SORL1: variants seen among roughly 807,000 people sequenced by gnomAD.
SORL1 encodes sortilin-related receptor.
Under a neutral mutation model 273.7 loss-of-function variants are expected in SORL1, and 127 were observed. The observed-to-expected ratio is 0.46, with a 90% CI of 0.40 to 0.54. SORL1 has a LOEUF of 0.54. SORL1 is among the 20% of genes least tolerant of loss of function. The pLI is 0.00. For missense variants in SORL1, 2,494 were observed against 2,846.1 expected (o/e 0.88, Z 2.81); for synonymous variants, 1,031 against 1,067.4 (o/e 0.97, Z 0.66).
In SORL1 at chr11:121,605,113, A is replaced by G. The variant is rs373079871; in HGVS notation, c.4652A>G (p.Asp1551Gly). Reference protein sequence around the residue: ...SDESDEKACSDELTVYKVQNL... With the variant: ...SDESDEKACSGELTVYKVQNL... ...GTCTTTTTCTCCTTTATCTCTCTAG[A>G]TGAGTTGACTGTGTACAAAGTACAG... The change falls in exon 34 of 48, where the codon GAT (aspartate) becomes GGT (glycine). Residue 1551 changes from aspartate (D) to glycine (G), a missense_variant and splice_region_variant. Coordinates refer to ENST00000260197, the MANE Select transcript of SORL1 (RefSeq NM_003105.6). The G allele has an allele frequency of 1.2e-6, 2 of 1,609,240 alleles. No homozygotes were observed. Among genetic ancestry groups the G allele is most frequent in the African/African-American group, 1.3e-5 (1 of 74,666 alleles).
intron 44 of SORL1, 98 bp downstream of exon 44, chr11:121,621,336 C>T (rs1269405521): frequency 2.7e-6 from 3 of 1,100,952 alleles, no homozygotes; most frequent in Middle Eastern, 2.4e-4. Flanking sequence ...GCGTTTGTTT[C>T]ACAGGGAGTG....
chr11:121,528,039 A>T lies in SORL1; in HGVS notation c.1597-4425A>T, dbSNP rs139416336. Among the ~76,000 whole-genome samples, 390 of 150,728 alleles carry T rather than the reference A, an allele frequency of 2.6e-3. 2 individuals carry two copies. The highest frequency in any genetic ancestry group is 5.9e-3 in the South Asian group (28 of 4,730). On this transcript the variant is annotated intron_variant, in intron 11 of 47. Coordinates refer to ENST00000260197, the MANE Select transcript of SORL1 (RefSeq NM_003105.6). ...ATTAAGATATAACCTTGGGTTATTG[A>T]TTTTATATCTTCTTTTCTAATGTAA...
chr11:121,564,464 G>A (rs1028480502), intron 21 of SORL1, among the ~76,000 whole-genome samples: 1 of 152,126 alleles, frequency 6.6e-6, no homozygotes, highest in African/African-American at 2.4e-5. Flanking sequence ...TTGCTTGTTT[G>A]GATAGGAATA....
intron 32 of SORL1, among the ~76,000 whole-genome samples, chr11:121,597,697 T>C (rs1199532076): frequency 6.6e-6 from 1 of 152,206 alleles, no homozygotes; most frequent in Non-Finnish European, 1.5e-5. Context: ...TGACCTCAAG[T>C]GATCTGCCCA....
intron 1 of SORL1, among the ~76,000 whole-genome samples, chr11:121,457,870 T>C (rs1860932448): frequency 6.6e-6 from 1 of 152,258 alleles, no homozygotes; most frequent in Non-Finnish European, 1.5e-5. Context: ...ATGGTATGCT[T>C]AATAAATTGC....
At chr11:121,496,038 T>A (rs1269721505) in intron 5 of SORL1, among the ~76,000 whole-genome samples, 3 of 152,210 alleles carry the variant, frequency 2.0e-5, no homozygotes, top group African/African-American at 7.2e-5. Flanking sequence ...TATACCTTTG[T>A]TTGGAGTTCA....
rs532616758 is a variant in SORL1 at position 121,585,937 on chromosome 11, G to A, written c.3707-285G>A. ...CAATGCAACACTTGTACTTGTGGGC[G>A]GTTTTCAACCTGTTACAAACAGTGT... is the stretch of plus-strand genomic sequence containing the variant. On this transcript the variant is annotated intron_variant, in intron 26 of 47. Transcript: ENST00000260197. 1.1e-4 allele frequency among the ~76,000 whole-genome samples: 17 copies of A among 152,060 alleles called. No homozygotes were observed. The South Asian group carries it at 1.2e-3, about 11-fold the overall frequency.
chr11:121,613,987 C>T (rs571902869), intron 40 of SORL1, among the ~76,000 whole-genome samples: 17 of 152,330 alleles, frequency 1.1e-4, no homozygotes, highest in African/African-American at 2.9e-4. Context: ...CTCCATCTTA[C>T]AAACAAGGAA....
intron 3 of SORL1, among the ~76,000 whole-genome samples, chr11:121,480,121 A>T (rs947024070): frequency 6.6e-6 from 1 of 152,164 alleles, no homozygotes; most frequent in Non-Finnish European, 1.5e-5. Context: ...CCGCCTCTCA[A>T]GAATCAAATT....
At chr11:121,526,629 A>G (rs923416920) in intron 11 of SORL1, among the ~76,000 whole-genome samples, 22 of 152,220 alleles carry the variant, frequency 1.4e-4, no homozygotes, top group African/African-American at 5.1e-4. Context: ...AATTTCTCTC[A>G]GTACTTTGTA....
chr11:121,453,486 C>T (rs1007568189), intron 1 of SORL1, among the ~76,000 whole-genome samples: 1 of 152,016 alleles, frequency 6.6e-6, no homozygotes, highest in Non-Finnish European at 1.5e-5. Flanking sequence ...ACTCCCAGTC[C>T]TGCAGTTAAG....
chr11:121,492,965 G>A (rs1411413809), intron 5 of SORL1, among the ~76,000 whole-genome samples: 1 of 151,556 alleles, frequency 6.6e-6, no homozygotes, highest in East Asian at 1.9e-4. Flanking sequence ...ACCACGCCTG[G>A]CTAATTTTAT....
At chr11:121,624,117 C>T (rs1863761153) in intron 45 of SORL1, among the ~76,000 whole-genome samples, 3 of 152,170 alleles carry the variant, frequency 2.0e-5, no homozygotes, top group Admixed American at 2.0e-4. Flanking sequence ...CACCCATGAT[C>T]CAGTGATCTC....
intron 1 of SORL1, among the ~76,000 whole-genome samples, chr11:121,465,884 G>A (rs555960862): frequency 5.3e-5 from 8 of 152,146 alleles, no homozygotes; most frequent in Non-Finnish European, 8.8e-5. Context: ...CGACAGAGCC[G>A]GTAGGCGTGG....
At chr11:121,523,617 A>C (rs1361913449) in intron 11 of SORL1, among the ~76,000 whole-genome samples, 3 of 152,098 alleles carry the variant, frequency 2.0e-5, no homozygotes, top group African/African-American at 4.8e-5. Flanking sequence ...AACTTGTAAA[A>C]AAAAAAAAAA....
rs1862703329 is a variant in SORL1, at chr11:121,563,105, T to C, written c.3049+3448T>C. 1.3e-5 allele frequency among the ~76,000 whole-genome samples: 2 copies of C among 152,190 alleles called. No homozygotes were observed. Among genetic ancestry groups the C allele is most frequent in the Non-Finnish European group, 2.9e-5 (2 of 68,036 alleles). On this transcript the variant is annotated intron_variant, in intron 21 of 47. Coordinates refer to ENST00000260197, the MANE Select transcript of SORL1 (RefSeq NM_003105.6). This position sits in a 1 kb window ranked among gnomAD's most constrained non-coding sequence, Gnocchi z 4.2. ...ACTATCAATATTTCCATTTTATAGG[T>C]GAGAATATGAAAGTCTGGTTTAGTA...
chr11:121,512,867 T>C, intron 6 of SORL1, 136 bp from the exon 7 acceptor site: 1 of 654,232 alleles, frequency 1.5e-6, no homozygotes, highest in East Asian at 2.7e-5. Context: ...TGCAAAAACA[T>C]GAATTTGCAA....
chr11:121,607,003 G>C (rs753721368), intron 36 of SORL1, 46 bp downstream of exon 36: 2 of 1,384,758 alleles, frequency 1.4e-6, no homozygotes, highest in Admixed American at 1.7e-5. Flanking sequence ...GGGGGTGCTA[G>C]GAGATTTCTG....
chr11:121,627,715 C>G lies in SORL1; in HGVS notation c.6525C>G (p.Ser2175Arg), dbSNP rs143536682. Residue 2175 changes from serine (S) to arginine (R), a missense_variant, in exon 47 of 48, where the codon AGC becomes AGG. By Grantham distance (110) the Ser-to-Arg change is moderately radical. Coordinates refer to ENST00000260197, the MANE Select transcript of SORL1 (RefSeq NM_003105.6). The surrounding 1 kb of genome is among the most constrained non-coding windows in gnomAD (Gnocchi z 4.9). ...GCAGCTTCACCGCCTTCGCCAACAG[C>G]CACTACAGCTCCAGGCTGGGGTCCG... ...LQSSFTAFAN[S>R]HYSSRLGSAI... 3.3e-4 allele frequency: 532 copies of G among 1,614,150 alleles called. No homozygotes were observed. Among genetic ancestry groups the G allele is most frequent in the Non-Finnish European group, 4.2e-4 (500 of 1,180,014 alleles).
Sources: allele counts gnomAD v4.1 joint callset (sites outside exome capture counted in the v4.1 genomes callset), GRCh38; gene constraint gnomAD v4.1.1; non-coding constraint Gnocchi (gnomAD v3.1); transcripts MANE v1.5; gene names NCBI Gene and HGNC (gene_info 2026-07-23, HGNC 2026-07-21).